AK9: variants seen among roughly 807,000 people sequenced by gnomAD.
AK9 encodes the protein adenylate kinase domain containing 1.
Under a neutral mutation model 239.6 loss-of-function variants are expected in AK9, and 191 were observed. That is an observed-to-expected ratio of 0.80 (90% CI 0.71 to 0.90). AK9 has a LOEUF of 0.90. Ranked by LOEUF, AK9 falls within the 40% of genes least tolerant of loss-of-function variation. The pLI, the probability that AK9 is intolerant of heterozygous loss-of-function variation, is 0.00. For missense variants in AK9, 1,995 were observed against 2,214.7 expected (o/e 0.90, Z 1.99); for synonymous variants, 689 against 721.0 (o/e 0.96, Z 0.71).
At chr6:109,607,462 C>T (rs1263896004) in intron 17 of AK9, among the ~76,000 whole-genome samples, 1 of 152,106 alleles carries the variant, frequency 6.6e-6, no homozygotes, top group East Asian at 1.9e-4. Context: ...CAACTATTTA[C>T]ATACCATTTA....
At chr6:109,586,858 T>A (rs1426337401) in intron 17 of AK9, among the ~76,000 whole-genome samples, 1 of 152,186 alleles carries the variant, frequency 6.6e-6, no homozygotes, top group African/African-American at 2.4e-5. Flanking sequence ...TCTGAGAGCT[T>A]CAAACAAGTT....
intron 17 of AK9, among the ~76,000 whole-genome samples, chr6:109,606,022 A>C (rs549322561): frequency 6.6e-6 from 1 of 152,144 alleles, no homozygotes; most frequent in Admixed American, 6.6e-5. Flanking sequence ...TGTCCAGTCT[A>C]GTATCACCAG....
At chr6:109,526,802 C>T (rs1364250131) in intron 29 of AK9, among the ~76,000 whole-genome samples, 1 of 152,132 alleles carries the variant, frequency 6.6e-6, no homozygotes, top group Non-Finnish European at 1.5e-5. Context: ...TACCCATGCA[C>T]ACTTTTGCTT....
At chr6:109,632,761 G>A in intron 12 of AK9, 162 bp downstream of exon 12, 1 of 1,352,318 alleles carries the variant, frequency 7.4e-7, no homozygotes, top group Non-Finnish European at 9.5e-7. Context: ...CCTACCCCAA[G>A]CCCAGTGGAA....
chr6:109,611,972 C>T (rs1163567722), intron 16 of AK9, 38 bp downstream of exon 16: 1 of 1,353,946 alleles, frequency 7.4e-7, no homozygotes, highest in Non-Finnish European at 1.0e-6. Flanking sequence ...TTTAGAACCA[C>T]AATCTAAAAG....
chr6:109,581,716 A>G (rs57688220), intron 19 of AK9, among the ~76,000 whole-genome samples: 6 of 152,356 alleles, frequency 3.9e-5, no homozygotes, highest in South Asian at 2.1e-4. Flanking sequence ...AGGAGCTGCA[A>G]TAAGTTATTT....
chr6:109,639,167 A>G (rs1220223449), intron 10 of AK9, among the ~76,000 whole-genome samples: 1 of 152,234 alleles, frequency 6.6e-6, no homozygotes, highest in Non-Finnish European at 1.5e-5. Flanking sequence ...GTATATACCC[A>G]GTAATGGGAT....
intron 27 of AK9, among the ~76,000 whole-genome samples, chr6:109,537,008 G>A (rs1278229383): frequency 6.6e-6 from 1 of 152,172 alleles, no homozygotes; most frequent in East Asian, 1.9e-4. Flanking sequence ...CTGTTTGCCA[G>A]TATTTTACTG....
intron 17 of AK9, among the ~76,000 whole-genome samples, chr6:109,605,118 A>C (rs530744323): frequency 2.8e-4 from 42 of 152,274 alleles, no homozygotes; most frequent in Middle Eastern, 6.8e-3. Context: ...GCATTGTATA[A>C]AGCTAAAATT....
rs543828088 is a variant in AK9 at position 109,564,089 on chromosome 6, T to C, written c.2626A>G (p.Thr876Ala). Residue 876 changes from threonine to alanine, a missense_variant, in exon 23 of 41, where the codon ACT (threonine) becomes GCT (alanine). By Grantham distance (58) the Thr-to-Ala change is moderately conservative (BLOSUM62 0). This residue lies in a region of AK9 where 1,290 missense variants were observed against 1,392.7 expected (regional missense o/e 0.93). Transcript: ENST00000424296. ...TGATTAAAGCCCTTACTTTCCATAG[T>C]CTCAACTACTTTTTGAAGTAATTCC... ...PQELLQKVVE[T>A]MEKPFQYTAW... 6 of 1,550,668 alleles carry C rather than the reference T, an allele frequency of 3.9e-6. No individual in the cohort carries two copies. The African/African-American group carries it at 8.2e-5, about 21-fold the overall frequency.
At chr6:109,597,557 C>T (rs774384926) in intron 17 of AK9, among the ~76,000 whole-genome samples, 1 of 152,126 alleles carries the variant, frequency 6.6e-6, no homozygotes, top group Non-Finnish European at 1.5e-5. Flanking sequence ...CCTGTAGCCC[C>T]AGCTACTCGG....
At chr6:109,650,585 G>A (rs1329451762) in intron 8 of AK9, among the ~76,000 whole-genome samples, 1 of 152,058 alleles carries the variant, frequency 6.6e-6, no homozygotes, top group Non-Finnish European at 1.5e-5. Context: ...GAAACAACAG[G>A]TGATGGAGAG....
intron 29 of AK9, among the ~76,000 whole-genome samples, chr6:109,523,995 GA>G (rs1439760807): frequency 6.6e-6 from 1 of 151,938 alleles, no homozygotes; most frequent in Non-Finnish European, 1.5e-5. Flanking sequence ...AAAATATGAA[GA>G]ATTATGAAAA....
chr6:109,547,056 A>C (rs772734442), intron 25 of AK9, among the ~76,000 whole-genome samples: 1 of 152,192 alleles, frequency 6.6e-6, no homozygotes, highest in Non-Finnish European at 1.5e-5. Flanking sequence ...AACCAGACTA[A>C]GCGGAAATTA....
At position 109,647,796 on chromosome 6, in the gene AK9, G is replaced by GCACCACACCA. The variant is rs201836377; in HGVS notation, c.760-3118_760-3109dup. On this transcript the variant is annotated intron_variant, in intron 8 of 40. Transcript: ENST00000424296. The stretch of plus-strand genomic sequence containing the variant: ...ATCAACAGAATATACATTCTTCTCA[G>GCACCACACCA]CACCACACCACACCTACTCCAAAAC... Among the ~76,000 whole-genome samples the GCACCACACCA allele has an allele frequency of 4.7e-5, 7 of 150,026 alleles. No individual in the cohort carries two copies. The South Asian group carries it at 1.3e-3, about 27-fold the overall frequency.
intron 24 of AK9, among the ~76,000 whole-genome samples, chr6:109,559,011 C>T (rs1348550079): frequency 1.3e-5 from 2 of 151,896 alleles, no homozygotes; most frequent in African/African-American, 2.4e-5. Flanking sequence ...ACCACCACGC[C>T]CGGCTCATTT....
At chr6:109,540,306 G>C (rs895309508) in intron 27 of AK9, among the ~76,000 whole-genome samples, 17 of 152,132 alleles carry the variant, frequency 1.1e-4, no homozygotes, top group Non-Finnish European at 2.1e-4. Context: ...GCAATGGTGG[G>C]TGCCCCTCCC....
intron 3 of AK9, among the ~76,000 whole-genome samples, 153 bp from the exon 4 acceptor site, chr6:109,672,320 A>G (rs1290911008): frequency 6.6e-6 from 1 of 152,196 alleles, no homozygotes; most frequent in African/African-American, 2.4e-5. Flanking sequence ...ACTTCACTTA[A>G]GCCTAACCAA....
chr6:109,573,437 CT>C lies in AK9; in HGVS notation c.2344+4del. 6.5e-7 allele frequency: 1 copy of C among 1,545,712 alleles called. No homozygotes were observed. ...ATTAAGAACTTGCTATCAATAAAGT[CT>C]AACCTGCTTCAGGCTCAGTTTCAGG... On this transcript the variant is annotated splice_donor_region_variant and intron_variant, in intron 21 of 40. Transcript: ENST00000424296.
Sources: gnomAD v4.1 joint callset for allele counts (sites outside exome capture counted in the v4.1 genomes callset) on GRCh38, gnomAD v4.1.1 for gene constraint, gnomAD v4.1.1 regional missense constraint, MANE v1.5 for transcripts, NCBI Gene and HGNC (gene_info 2026-07-23, HGNC 2026-07-21) for gene names.